The following RORA variants were observed in gnomAD, a reference collection of about 807,000 sequenced individuals.
RORA encodes the protein nuclear receptor ROR-alpha.
In RORA, 7 loss-of-function variants were observed where a neutral mutation model predicts 69.5. The observed-to-expected ratio is 0.10, with a 90% CI of 0.06 to 0.19. RORA has a LOEUF of 0.19. Ranked by LOEUF, RORA falls within the 10% of genes least tolerant of loss-of-function variation. RORA has a pLI of 1.00. For synonymous variants in RORA, 261 were observed against 240.8 expected, an observed-to-expected ratio of 1.08 and a Z score of -0.78; for missense variants, 457 against 663.0, an observed-to-expected ratio of 0.69 and a Z score of 3.41.
intron 1 of RORA, among the ~76,000 whole-genome samples, chr15:61,073,343 A>G (rs2078396961): frequency 6.6e-6 from 1 of 152,102 alleles, no homozygotes. Flanking sequence ...TTTATTTAAA[A>G]CCAAAACACT....
At chr15:60,787,366 G>A (rs930856894) in intron 1 of RORA, among the ~76,000 whole-genome samples, 2 of 152,222 alleles carry the variant, frequency 1.3e-5, no homozygotes, top group South Asian at 2.1e-4. Flanking sequence ...CAGCAATCAC[G>A]AAGGAGCCAC....
intron 1 of RORA, among the ~76,000 whole-genome samples, chr15:61,036,308 T>C (rs763103622): frequency 2.0e-5 from 3 of 152,126 alleles, no homozygotes; most frequent in Non-Finnish European, 4.4e-5. Flanking sequence ...CAATCCTCTT[T>C]AGAGGAAGTA....
intron 1 of RORA, among the ~76,000 whole-genome samples, chr15:60,920,197 CTATG>C (rs1380984827): frequency 6.6e-6 from 1 of 152,218 alleles, no homozygotes; most frequent in African/African-American, 2.4e-5. Flanking sequence ...ATGCATCTAT[CTATG>C]TATCTATCTA....
At chr15:60,621,114 A>T (rs988604290) in intron 2 of RORA, among the ~76,000 whole-genome samples, 2 of 152,336 alleles carry the variant, frequency 1.3e-5, no homozygotes, top group South Asian at 4.1e-4. Context: ...AAGATCCCAT[A>T]CACAATGTCT....
At chr15:61,024,234 A>AAGTAGCC (rs2140423224) in intron 1 of RORA, among the ~76,000 whole-genome samples, 1 of 147,472 alleles carries the variant, frequency 6.8e-6, no homozygotes, top group South Asian at 2.2e-4. Context: ...TACAAGTAGC[A>AAGTAGCC]TTCATCCTAG....
chr15:61,090,215 G>C (rs1055316429), intron 1 of RORA, among the ~76,000 whole-genome samples: 2 of 152,164 alleles, frequency 1.3e-5, no homozygotes, highest in African/African-American at 2.4e-5. Context: ...CAATTCCTGG[G>C]TCAGGCTGCA....
At chr15:60,635,161 C>A (rs1431633960) in intron 2 of RORA, among the ~76,000 whole-genome samples, 1 of 152,230 alleles carries the variant, frequency 6.6e-6, no homozygotes, top group Non-Finnish European at 1.5e-5. Flanking sequence ...AAGCAGAATG[C>A]AAATGACGGT....
chr15:60,749,162 C>A (rs981511489), intron 1 of RORA, among the ~76,000 whole-genome samples: 2 of 152,150 alleles, frequency 1.3e-5, no homozygotes, highest in Non-Finnish European at 2.9e-5. Context: ...CTTCATTGAA[C>A]AACATCCACC....
chr15:60,773,874 C>T (rs1305784720), intron 1 of RORA, among the ~76,000 whole-genome samples: 1 of 152,206 alleles, frequency 6.6e-6, no homozygotes, highest in Non-Finnish European at 1.5e-5. Context: ...AGGCCAAGAA[C>T]TCTGTTTTTG....
chr15:60,756,067 C>T (rs2071797870), intron 1 of RORA, among the ~76,000 whole-genome samples: 1 of 152,200 alleles, frequency 6.6e-6, no homozygotes, highest in Admixed American at 6.5e-5. Flanking sequence ...GTGACAGCTC[C>T]CAAACTGAGG....
intron 1 of RORA, among the ~76,000 whole-genome samples, chr15:61,130,099 G>T (rs1342371631): frequency 6.6e-6 from 1 of 152,242 alleles, no homozygotes; most frequent in Non-Finnish European, 1.5e-5. Flanking sequence ...AAGGAGAGAT[G>T]ACAGTATCAT....
At chr15:61,047,598 T>TAAAACA (rs3985702) in intron 1 of RORA, among the ~76,000 whole-genome samples, 39,215 of 151,524 alleles carry the variant, frequency 0.26, 5,771 homozygotes, top group South Asian at 0.33. Context: ...TCGAGAATGG[T>TAAAACA]AAAACAAAAA....
chr15:61,082,787 ATTTCT>A (rs1192613490), intron 1 of RORA, among the ~76,000 whole-genome samples: 5 of 152,186 alleles, frequency 3.3e-5, no homozygotes, highest in African/African-American at 7.2e-5. Flanking sequence ...ATTTCTTTAG[ATTTCT>A]TTTCTCTAGG....
At chr15:61,113,001 T>A (rs2079020800) in intron 1 of RORA, among the ~76,000 whole-genome samples, 1 of 152,186 alleles carries the variant, frequency 6.6e-6, no homozygotes, top group African/African-American at 2.4e-5. Flanking sequence ...AGGACGAGAA[T>A]GAATGGGCAG....
At chr15:60,626,159 G>A (rs886972360) in intron 2 of RORA, among the ~76,000 whole-genome samples, 6 of 152,156 alleles carry the variant, frequency 3.9e-5, no homozygotes, top group Admixed American at 6.5e-5. Flanking sequence ...TCAACCCAGG[G>A]TGGGTAGCCT....
chr15:60,951,015 C>A (rs1254022123), intron 1 of RORA, among the ~76,000 whole-genome samples: 1 of 150,776 alleles, frequency 6.6e-6, no homozygotes, highest in Admixed American at 6.6e-5. Flanking sequence ...CACACCTATT[C>A]CAAAATTGAC....
At chr15:60,980,771 T>G (rs1236694100) in intron 1 of RORA, among the ~76,000 whole-genome samples, 1 of 152,072 alleles carries the variant, frequency 6.6e-6, no homozygotes, top group African/African-American at 2.4e-5. Context: ...TTTATTTCTC[T>G]TCATCAGACT....
At chr15:60,550,817 G>T (rs1282082147) in intron 2 of RORA, among the ~76,000 whole-genome samples, 2 of 152,084 alleles carry the variant, frequency 1.3e-5, no homozygotes, top group African/African-American at 4.8e-5. Flanking sequence ...AAATTTCATG[G>T]AAGACAGGCA....
At chr15:60,840,505 A>G (rs1332999275) in intron 1 of RORA, among the ~76,000 whole-genome samples, 1 of 152,016 alleles carries the variant, frequency 6.6e-6, no homozygotes, top group East Asian at 1.9e-4. Context: ...CCCTGTCCCC[A>G]CTCTCACCAG....
Sources: allele counts gnomAD v4.1 joint callset (sites outside exome capture counted in the v4.1 genomes callset), GRCh38; gene constraint gnomAD v4.1.1; transcripts MANE v1.5; gene names NCBI Gene and HGNC (gene_info 2026-07-23, HGNC 2026-07-21).